The following RHBDD2 variants were observed in gnomAD, a reference collection of about 807,000 sequenced individuals.
RHBDD2 encodes rhomboid domain-containing protein 2.
In RHBDD2, 13 loss-of-function variants were observed where a neutral mutation model predicts 21.7. The ratio of observed to expected loss-of-function variants is 0.60; its 90% confidence interval spans 0.39 to 0.95. The LOEUF is 0.95. RHBDD2 is among the 40% of genes least tolerant of loss of function. RHBDD2 has a pLI of 0.00. For missense variants in RHBDD2, 473 were observed against 478.9 expected (o/e 0.99, Z 0.11); for synonymous variants, 225 against 220.0 (o/e 1.02, Z -0.20).
chr7:75,887,842 G>A lies in RHBDD2; in HGVS notation c.738-150G>A. 3 of 720,872 alleles carry A rather than the reference G, an allele frequency of 4.2e-6. No homozygotes were observed. In the South Asian group the frequency reaches 5.1e-5, roughly 12 times the overall value. 44.7% of individuals were successfully genotyped at this position (720,872 alleles called of 1,614,324 possible). ...GGCATCTGTGGTCTGATTGGTTGAG[G>A]TTAACCTTTCTCCCACTTGGTACTT... On this transcript the variant is annotated intron_variant, in intron 3 of 3. Coordinates refer to ENST00000006777, the MANE Select transcript of RHBDD2 (RefSeq NM_001040456.3).
rs1554542777 is a variant in RHBDD2, at chr7:75,882,224, A to C, written c.574A>C (p.Ile192Leu). The C allele has an allele frequency of 6.2e-7, 1 of 1,611,660 alleles. No individual in the cohort carries two copies. The highest frequency in any genetic ancestry group is 8.5e-7 in the Non-Finnish European group (1 of 1,178,596). The stretch of plus-strand genomic sequence containing the variant: ...CCTCAGTAATGTCTGCGGGCTGTCC[A>C]TCGGGCTGGCCTGTATCCTTCCTAG... Reference protein sequence around the residue: ...SFLSNVCGLSIGLAYGLTYCY... With the variant: ...SFLSNVCGLSLGLAYGLTYCY... Residue 192 changes from isoleucine (I) to leucine (L), a missense_variant, in exon 2 of 4, where the codon ATC becomes CTC. Coordinates refer to ENST00000006777, the MANE Select transcript of RHBDD2 (RefSeq NM_001040456.3).
Position 75,882,067 on chromosome 7 carries a change from C to G in RHBDD2, c.417C>G (p.Ala139=). The G allele has an allele frequency of 1.9e-6, 3 of 1,614,220 alleles. No homozygotes were observed. Among genetic ancestry groups the G allele is most frequent in the African/African-American group, 1.3e-5 (1 of 75,054 alleles). The change falls in exon 2 of 4, where the codon GCC becomes GCG. Residue 139 remains alanine (A), a synonymous_variant. Transcript: ENST00000006777. ...ATGCCAGAGGTTTCACCCCAGTGGC[C>G]TTTGCCATGCTGGGAGTCACCACCG... is the stretch of plus-strand genomic sequence containing the variant. ...VEDARGFTPV[A]FAMLGVTTVR...
chr7:75,881,062 A>G (rs1805294739), intron 1 of RHBDD2, among the ~76,000 whole-genome samples: 1 of 152,016 alleles, frequency 6.6e-6, no homozygotes, highest in Non-Finnish European at 1.5e-5. Flanking sequence ...GCCAGGAATG[A>G]TGGTTCGTAT....
Position 75,879,145 on chromosome 7 carries a change from C to T in RHBDD2, c.63C>T (p.Thr21=). The T allele has an allele frequency of 6.8e-7, 1 of 1,465,314 alleles. No individual in the cohort carries two copies. Among genetic ancestry groups the T allele is most frequent in the East Asian group, 3.0e-5 (1 of 33,306 alleles). 90.8% of individuals were successfully genotyped at this position (1,465,314 alleles called of 1,614,324 possible). A position where few individuals can be genotyped will look rare whatever the true frequency, so the allele number is the denominator to read the frequency against. The change falls in exon 1 of 4, where the codon ACC becomes ACT. Residue 21 remains threonine (T), a synonymous_variant. Coordinates refer to ENST00000006777, the MANE Select transcript of RHBDD2 (RefSeq NM_001040456.3). ...WCLCPEVPSA[T]FFTALLSLLV... ...TGTGTCCCGAGGTGCCATCCGCCAC[C>T]TTCTTCACTGCGCTGCTCTCGCTGC...
chr7:75,884,888 C>T (rs1805560742), intron 3 of RHBDD2, among the ~76,000 whole-genome samples: 1 of 152,014 alleles, frequency 6.6e-6, no homozygotes, highest in Non-Finnish European at 1.5e-5. Flanking sequence ...CCAAGGTGGG[C>T]AGATCATATA....
At position 75,888,057 on chromosome 7, in the gene RHBDD2, C is replaced by T. The variant is rs1316605443; in HGVS notation, c.803C>T (p.Pro268Leu). 4 of 1,613,712 alleles carry T rather than the reference C, an allele frequency of 2.5e-6. No homozygotes were observed. In the African/African-American group the frequency reaches 5.3e-5, roughly 22 times the overall value. ...SCHPHLSPSH[P>L]VSQTQHASGQ... is the part of the protein sequence containing the mutation. ...CACCCTCACCTGTCCCCAAGCCACC[C>T]TGTGTCCCAGACGCAGCACGCCAGT... is the stretch of plus-strand genomic sequence containing the variant. Residue 268 changes from proline (P) to leucine (L), a missense_variant, in exon 4 of 4, where the codon CCT becomes CTT. Physicochemically the swap from Pro to Leu is moderately conservative, Grantham distance 98. Coordinates refer to ENST00000006777, the MANE Select transcript of RHBDD2 (RefSeq NM_001040456.3).
In RHBDD2 at chr7:75,882,107, A is replaced by T. The variant is rs1398378592; in HGVS notation, c.457A>T (p.Arg153Trp). The change falls in exon 2 of 4, where the codon AGG (arginine) becomes TGG (tryptophan). Residue 153 changes from arginine (R) to tryptophan (W), a missense_variant. Arg to Trp is a moderately radical substitution (Grantham distance 101). Coordinates refer to ENST00000006777, the MANE Select transcript of RHBDD2 (RefSeq NM_001040456.3). ...AGTCACCACCGTCCGTTCTCGGATG[A>T]GGCGGGCCCTGGTGTTTGGCATGGT... Reference protein sequence around the residue: ...LGVTTVRSRMRRALVFGMVVP... With the variant: ...LGVTTVRSRMWRALVFGMVVP... 1 of 1,614,032 alleles carries T rather than the reference A, an allele frequency of 6.2e-7. No homozygotes were observed. The highest frequency in any genetic ancestry group is 8.5e-7 in the Non-Finnish European group (1 of 1,180,040).
chr7:75,887,319 AAAC>A (rs1489676928), intron 3 of RHBDD2, among the ~76,000 whole-genome samples: 1 of 148,866 alleles, frequency 6.7e-6, no homozygotes, highest in Non-Finnish European at 1.5e-5. Context: ...AAAAAAAAAA[AAAC>A]AATTTTTTTT....
intron 2 of RHBDD2, 114 bp from the exon 3 acceptor site, chr7:75,883,584 G>A: frequency 1.2e-6 from 1 of 861,354 alleles, no homozygotes; most frequent in Middle Eastern, 3.1e-4. Context: ...AGAGTGTGCA[G>A]CGTGCTAAGC....
In RHBDD2 at chr7:75,888,534, C is replaced by T. The variant is rs1805838759; in HGVS notation, c.*185C>T. The T allele has an allele frequency of 1.8e-6, 1 of 554,974 alleles. No homozygotes were observed. The highest frequency in any genetic ancestry group is 1.9e-5 in the African/African-American group (1 of 53,362). 34.4% of individuals were successfully genotyped at this position (554,974 alleles called of 1,614,324 possible). A position where few individuals can be genotyped will look rare whatever the true frequency, so the allele number is the denominator to read the frequency against. ...TGTGGAGTACGGTGTACTGGCCCAG[C>T]TTACAGATGCAGAAAGCGAGACGTT... On this transcript the variant is annotated 3_prime_UTR_variant, in exon 4 of 4. Transcript: ENST00000006777.
At chr7:75,883,219 G>A (rs1413310209) in intron 2 of RHBDD2, among the ~76,000 whole-genome samples, 4 of 152,124 alleles carry the variant, frequency 2.6e-5, no homozygotes, top group Non-Finnish European at 5.9e-5. Flanking sequence ...GGCACAGTGA[G>A]TAGAAACCTT....
chr7:75,883,463 AG>A, intron 2 of RHBDD2: 1 of 313,472 alleles, frequency 3.2e-6, no homozygotes, highest in South Asian at 5.4e-5. Context: ...GCTTGCAGTG[AG>A]CCAAGATCAC....
At position 75,882,148 on chromosome 7, in the gene RHBDD2, G is replaced by C; in HGVS notation, c.498G>C (p.Leu166=). 6.2e-7 allele frequency: 1 copy of C among 1,614,162 alleles called. No individual in the cohort carries two copies. Among genetic ancestry groups the C allele is most frequent in the South Asian group, 1.1e-5 (1 of 91,082 alleles). ...TTGGCATGGTTGTGCCCTCAGTCCT[G>C]GTTCCGTGGCTCCTGCTGGGTGCCT... ...LVFGMVVPSV[L]VPWLLLGASW... Residue 166 remains leucine, a synonymous_variant, in exon 2 of 4, where the codon CTG becomes CTC. Coordinates refer to ENST00000006777, the MANE Select transcript of RHBDD2 (RefSeq NM_001040456.3).
At chr7:75,883,900 ATTT>A in intron 3 of RHBDD2, 52 bp downstream of exon 3, 8 of 1,155,466 alleles carry the variant, frequency 6.9e-6, no homozygotes, top group Non-Finnish European at 8.3e-6. Flanking sequence ...AAAAAAAATT[ATTT>A]TTTTTTTTTG....
intron 1 of RHBDD2, chr7:75,881,249 G>A (rs1376745517): frequency 1.7e-5 from 15 of 864,358 alleles, no homozygotes; most frequent in Admixed American, 4.7e-5. Context: ...CTGTGAGATC[G>A]GATAAGCACT....
At chr7:75,885,923 G>A (rs1805637108) in intron 3 of RHBDD2, among the ~76,000 whole-genome samples, 1 of 152,154 alleles carries the variant, frequency 6.6e-6, no homozygotes, top group Non-Finnish European at 1.5e-5. Context: ...CTGGAGTGCA[G>A]TGGCGTGATC....
chr7:75,887,657 C>G (rs1177516644), intron 3 of RHBDD2, among the ~76,000 whole-genome samples: 1 of 152,014 alleles, frequency 6.6e-6, no homozygotes, highest in Non-Finnish European at 1.5e-5. Context: ...ATTGTCGAGC[C>G]AGCCACACAG....
At chr7:75,882,939 T>C (rs553085458) in intron 2 of RHBDD2, among the ~76,000 whole-genome samples, 10 of 152,172 alleles carry the variant, frequency 6.6e-5, no homozygotes, top group African/African-American at 2.4e-4. Flanking sequence ...GGTGACAGGG[T>C]ATGGAGGAAG....
chr7:75,886,615 C>T lies in RHBDD2; in HGVS notation c.738-1377C>T, dbSNP rs182168134. 1.1e-4 allele frequency among the ~76,000 whole-genome samples: 17 copies of T among 152,106 alleles called. No individual in the cohort carries two copies. In the East Asian group the frequency reaches 2.1e-3, roughly 19 times the overall value. On this transcript the variant is annotated intron_variant, in intron 3 of 3. Transcript: ENST00000006777. The stretch of plus-strand genomic sequence containing the variant: ...GGATCACGAGATCAGGAGATCGAGA[C>T]CATCCTGGCTAACACGGTGAAACCC...
Sources: gnomAD v4.1 joint callset for allele counts (sites outside exome capture counted in the v4.1 genomes callset) on GRCh38, gnomAD v4.1.1 for gene constraint, MANE v1.5 for transcripts, NCBI Gene and HGNC (gene_info 2026-07-23, HGNC 2026-07-21) for gene names.